The following ZBTB34 variants were observed in gnomAD, a reference collection of about 807,000 sequenced individuals.
ZBTB34 encodes the protein zinc finger and BTB domain containing 34.
ZBTB34 carries 1 observed loss-of-function variant against 33.4 expected under a neutral mutation model. The ratio of observed to expected loss-of-function variants is 0.03; its 90% CI spans 0.01 to 0.14. The LOEUF (loss-of-function observed/expected upper bound fraction) is 0.14, where lower values mean the gene tolerates loss of function less well. Among genes scored for constraint, ZBTB34 ranks in the 10% least tolerant of loss-of-function variants. The probability of loss-of-function intolerance (pLI) is 1.00; values close to 1 mark genes in which losing one functional copy is unlikely to be tolerated. For synonymous variants in ZBTB34, 283 were observed against 253.5 expected (o/e 1.12, Z -1.11); for missense variants, 406 against 657.2 (o/e 0.62, Z 4.18).
intron 1 of ZBTB34, among the ~76,000 whole-genome samples, chr9:126,867,441 A>ATTT (rs2033220211): frequency 9.7e-6 from 1 of 102,620 alleles, no homozygotes. Context: ...TTTTTTTGTC[A>ATTT]TTTTTCTTTT....
In ZBTB34 at chr9:126,864,641, C is replaced by T. The variant is rs117216110; in HGVS notation, c.-11+3902C>T. Among the ~76,000 whole-genome samples the T allele has an allele frequency of 3.4e-3, 523 of 152,016 alleles. 4 individuals are homozygous for T. The highest frequency in any genetic ancestry group is 4.9e-3 in the Non-Finnish European group (335 of 67,996). ...TTCATGAATATCCATCACAGAATGCCATTTTATTTATTTTTTTTTTCTTGC... is the reference window on the plus strand; with the variant it reads ...TTCATGAATATCCATCACAGAATGCTATTTTATTTATTTTTTTTTTCTTGC... On this transcript the variant is annotated intron_variant, in intron 1 of 1. Transcript: ENST00000319119.
At chr9:126,877,453 T>G (rs1051158304) in intron 1 of ZBTB34, among the ~76,000 whole-genome samples, 3 of 152,226 alleles carry the variant, frequency 2.0e-5, no homozygotes, top group African/African-American at 7.2e-5. Context: ...GATCTAATAC[T>G]TAGGAGGTGT....
intron 1 of ZBTB34, among the ~76,000 whole-genome samples, chr9:126,870,450 G>T (rs1198719158): frequency 6.6e-6 from 1 of 152,174 alleles, no homozygotes; most frequent in Non-Finnish European, 1.5e-5. Context: ...GTGCCATTTA[G>T]TGATTGCAAT....
intron 1 of ZBTB34, among the ~76,000 whole-genome samples, chr9:126,864,041 G>A (rs942783848): frequency 2.0e-5 from 3 of 152,144 alleles, no homozygotes; most frequent in African/African-American, 7.2e-5. Flanking sequence ...TCTGTGTGGT[G>A]GAACATCCTT....
intron 1 of ZBTB34, among the ~76,000 whole-genome samples, chr9:126,874,179 C>T (rs1325512581): frequency 1.4e-5 from 2 of 146,774 alleles, no homozygotes; most frequent in African/African-American, 2.5e-5. Context: ...GTAGCTGGGA[C>T]TACAGGCGCC....
intron 1 of ZBTB34, among the ~76,000 whole-genome samples, chr9:126,866,302 G>A (rs570494919): frequency 2.0e-4 from 31 of 152,172 alleles, no homozygotes; most frequent in Non-Finnish European, 4.0e-4. Context: ...CGTGGCCTCC[G>A]AGTAGACACC....
At position 126,879,993 on chromosome 9, in the gene ZBTB34, A is replaced by G. The variant is rs768378439; in HGVS notation, c.594A>G (p.Leu198=). 7 of 1,613,542 alleles carry G rather than the reference A, an allele frequency of 4.3e-6. No individual in the cohort carries two copies. The highest frequency in any genetic ancestry group is 1.1e-5 in the South Asian group (1 of 91,074). ...CCAGCAAAGCTTTGCGCAGCCGCTTACAGGAGGAGGGGCACTCAGACCGCG... is the reference window on the plus strand; with the variant it reads ...CCAGCAAAGCTTTGCGCAGCCGCTTGCAGGAGGAGGGGCACTCAGACCGCG... Residue 198 remains leucine (L), a synonymous_variant, in exon 2 of 2, where the codon TTA becomes TTG. Coordinates refer to ENST00000319119, the Ensembl canonical transcript of ZBTB34. The surrounding 1 kb of genome is among the most constrained non-coding windows in gnomAD (Gnocchi z 6.4).
chr9:126,877,964 A>G (rs1427508070), intron 1 of ZBTB34, among the ~76,000 whole-genome samples: 2 of 152,148 alleles, frequency 1.3e-5, no homozygotes, highest in Non-Finnish European at 2.9e-5. Flanking sequence ...AGATCATGCC[A>G]TTGCACTCCG....
In ZBTB34 at chr9:126,879,244, A is replaced by G; in HGVS notation, c.-10-146A>G. On this transcript the variant is annotated intron_variant, in intron 1 of 1. Coordinates refer to ENST00000319119, the Ensembl canonical transcript of ZBTB34. This position sits in a 1 kb window ranked among gnomAD's most constrained non-coding sequence, Gnocchi z 6.4. ...TTTAGGTGAATTAACCAAAACATGA[A>G]AGACTAAAACAAGGGGAAGAATGCT... 1 of 648,594 alleles carries G rather than the reference A, an allele frequency of 1.5e-6. No homozygotes were observed. Among genetic ancestry groups the G allele is most frequent in the South Asian group, 2.3e-5 (1 of 43,484 alleles). The allele number at this position is 648,594 out of a possible 1,614,324, so 40.2% of individuals were successfully genotyped here. A position where few individuals can be genotyped will look rare whatever the true frequency, so the allele number is the denominator to read the frequency against.
exon 2 of ZBTB34, chr9:126,882,333 GT>G (rs2033453878): frequency 6.0e-6 from 1 of 167,046 alleles, no homozygotes. Context: ...AATTATAATT[GT>G]TTTCCTCTCT....
intron 1 of ZBTB34, among the ~76,000 whole-genome samples, chr9:126,874,744 C>T (rs2033332720): frequency 1.3e-5 from 2 of 152,148 alleles, no homozygotes; most frequent in East Asian, 3.8e-4. Flanking sequence ...ACCCTTTGTA[C>T]GTGTGATTCC....
chr9:126,868,429 G>A (rs1390844590), intron 1 of ZBTB34, among the ~76,000 whole-genome samples: 1 of 152,142 alleles, frequency 6.6e-6, no homozygotes, highest in African/African-American at 2.4e-5. Flanking sequence ...GTCCCAGGAT[G>A]GCTCGTGCGG....
At chr9:126,883,963 C>T (rs559173501) in exon 2 of ZBTB34, 7 of 167,094 alleles carry the variant, frequency 4.2e-5, no homozygotes, top group East Asian at 1.9e-4. Flanking sequence ...TTCACGTCTC[C>T]GCAGACGAAG....
intron 1 of ZBTB34, among the ~76,000 whole-genome samples, chr9:126,867,303 G>A (rs961918515): frequency 3.3e-5 from 5 of 151,952 alleles, no homozygotes; most frequent in Admixed American, 6.6e-5. Flanking sequence ...ATTCATTCCT[G>A]AGGACTACAC....
In ZBTB34 at chr9:126,880,998, A is replaced by G. The variant is rs540718785; in HGVS notation, c.*84A>G. 1.9e-3 allele frequency: 2,635 copies of G among 1,417,002 alleles called. 8 individuals carry two copies. Among genetic ancestry groups the G allele is most frequent in the Non-Finnish European group, 1.9e-3 (2,003 of 1,058,178 alleles). The allele number at this position is 1,417,002 out of a possible 1,614,324, so 87.8% of individuals were successfully genotyped here. A position where few individuals can be genotyped will look rare whatever the true frequency, so the allele number is the denominator to read the frequency against. ...TTTGTTGTAATCTTTGGTTTTCCCA[A>G]CCATCTGGAAATCTCTTGGTCTCTT... On this transcript the variant is annotated 3_prime_UTR_variant, in exon 2 of 2. Coordinates refer to ENST00000319119, the Ensembl canonical transcript of ZBTB34. The surrounding 1 kb of genome is among the most constrained non-coding windows in gnomAD (Gnocchi z 6.7).
chr9:126,881,692 T>C (rs1588392976), exon 2 of ZBTB34: 1 of 167,026 alleles, frequency 6.0e-6, no homozygotes, highest in African/African-American at 2.4e-5. Context: ...TTGGAATTTT[T>C]GTTAGTTGTC....
intron 1 of ZBTB34, among the ~76,000 whole-genome samples, chr9:126,861,010 C>A (rs1367329335): frequency 2.0e-5 from 3 of 151,944 alleles, no homozygotes; most frequent in Non-Finnish European, 4.4e-5. Flanking sequence ...GTCCCGGCGC[C>A]GCTGGCCCGG....
chr9:126,862,083 A>G (rs1203098255), intron 1 of ZBTB34, among the ~76,000 whole-genome samples: 4 of 152,188 alleles, frequency 2.6e-5, no homozygotes, highest in African/African-American at 7.2e-5. Context: ...AGAATTAAGA[A>G]GGAGAGATGG....
rs2033409049 is a variant in ZBTB34 at position 126,879,820 on chromosome 9, G to C, written c.421G>C (p.Val141Leu). 2 of 1,613,280 alleles carry C rather than the reference G, an allele frequency of 1.2e-6. No individual in the cohort carries two copies. Among genetic ancestry groups the C allele is most frequent in the Middle Eastern group, 1.6e-4 (1 of 6,062 alleles). Reference sequence around the variant, plus strand: ...AATCAGCGTTGGAGATGTTGACTCTGTTACCGTCGGTGCTGAAGAGAATCC... The same window carrying C: ...AATCAGCGTTGGAGATGTTGACTCTCTTACCGTCGGTGCTGAAGAGAATCC... Residue 141 changes from valine to leucine, a missense_variant, in exon 2 of 2, where the codon GTT becomes CTT. Physicochemically the swap from Val to Leu is conservative, Grantham distance 32. Around this residue, in one of 6 missense-constraint regions of ZBTB34, gnomAD observed 137 missense variants for 173.0 expected, o/e 0.79. Coordinates refer to ENST00000319119, the Ensembl canonical transcript of ZBTB34. The surrounding 1 kb of genome is among the most constrained non-coding windows in gnomAD (Gnocchi z 6.4).
Sources: gnomAD v4.1 joint callset for allele counts (sites outside exome capture counted in the v4.1 genomes callset) on GRCh38, gnomAD v4.1.1 for gene constraint, gnomAD v4.1.1 regional missense constraint, Gnocchi (gnomAD v3.1) non-coding constraint, MANE v1.5 for transcripts, NCBI Gene and HGNC (gene_info 2026-07-23, HGNC 2026-07-21) for gene names.